The following LYPD6 variants were observed in gnomAD, a reference collection of about 807,000 sequenced individuals.
The protein encoded by LYPD6 is ly6/PLAUR domain-containing protein 6.
A neutral mutation model predicts 22.7 loss-of-function variants in LYPD6; 15 were observed. The ratio of observed to expected loss-of-function variants is 0.66; its 90% CI spans 0.44 to 1.02. The LOEUF is 1.02. LYPD6 is among the 50% of genes least tolerant of loss of function. LYPD6 has a pLI of 0.00. For missense variants in LYPD6, 189 were observed against 208.4 expected, an observed-to-expected ratio of 0.91 and a Z score of 0.57; for synonymous variants, 72 against 77.5, an observed-to-expected ratio of 0.93 and a Z score of 0.37.
At chr2:149,384,710 T>C (rs1488500362) in intron 1 of LYPD6, among the ~76,000 whole-genome samples, 3 of 152,180 alleles carry the variant, frequency 2.0e-5, no homozygotes, top group Non-Finnish European at 4.4e-5. Flanking sequence ...GGCTCTGTTT[T>C]TAAATTTTTT....
intron 1 of LYPD6, among the ~76,000 whole-genome samples, chr2:149,435,374 G>A (rs1281344504): frequency 6.6e-6 from 1 of 152,190 alleles, no homozygotes; most frequent in East Asian, 1.9e-4. Context: ...TATGTTTACA[G>A]TTACACACAT....
chr2:149,388,233 G>C (rs1328723941), intron 1 of LYPD6, among the ~76,000 whole-genome samples: 2 of 149,440 alleles, frequency 1.3e-5, no homozygotes, highest in African/African-American at 4.9e-5. Context: ...GAGTTGAATG[G>C]ATTTCTTTAG....
chr2:149,330,009 C>A (rs568009442), upstream of LYPD6: 1 of 152,356 alleles, frequency 6.6e-6, no homozygotes, highest in East Asian at 1.9e-4. Context: ...GTGGTCTCCG[C>A]CTTCCCTGGG....
intron 1 of LYPD6, among the ~76,000 whole-genome samples, chr2:149,423,522 G>C (rs564039156): frequency 2.8e-4 from 42 of 152,184 alleles, no homozygotes; most frequent in African/African-American, 9.9e-4. Flanking sequence ...CTATGTTTCT[G>C]CTGACTGTGA....
chr2:149,378,181 A>G (rs1440264219), intron 1 of LYPD6, among the ~76,000 whole-genome samples: 1 of 152,152 alleles, frequency 6.6e-6, no homozygotes, highest in African/African-American at 2.4e-5. Flanking sequence ...TAGTAGCACA[A>G]TCACAGCTCC....
chr2:149,446,600 G>A (rs1683694367), intron 2 of LYPD6, among the ~76,000 whole-genome samples: 2 of 152,142 alleles, frequency 1.3e-5, no homozygotes. Flanking sequence ...TCATGAAAAT[G>A]GAGTGGTTGG....
chr2:149,342,398 A>G (rs1346560607), intron 1 of LYPD6, among the ~76,000 whole-genome samples: 1 of 152,186 alleles, frequency 6.6e-6, no homozygotes, highest in Non-Finnish European at 1.5e-5. Flanking sequence ...CACAGATTTA[A>G]TTATTCGTGT....
chr2:149,407,371 A>G (rs1682740715), intron 1 of LYPD6, among the ~76,000 whole-genome samples: 1 of 152,348 alleles, frequency 6.6e-6, no homozygotes, highest in South Asian at 2.1e-4. Context: ...CAGGTATACC[A>G]ATCAGACGTA....
At chr2:149,429,794 G>T (rs368209224) in intron 1 of LYPD6, among the ~76,000 whole-genome samples, 3 of 152,172 alleles carry the variant, frequency 2.0e-5, no homozygotes, top group Non-Finnish European at 2.9e-5. Flanking sequence ...AGCCCCTGGG[G>T]GTTGGCTGGG....
intron 1 of LYPD6, among the ~76,000 whole-genome samples, chr2:149,404,488 T>C (rs1682646766): frequency 6.6e-6 from 1 of 152,210 alleles, no homozygotes; most frequent in East Asian, 1.9e-4. Context: ...GTATTCTCTT[T>C]GAAGCAGTTG....
intron 1 of LYPD6, among the ~76,000 whole-genome samples, chr2:149,432,289 A>G (rs970468282): frequency 1.3e-5 from 2 of 152,246 alleles, no homozygotes; most frequent in Admixed American, 6.5e-5. Context: ...TCCACACACA[A>G]ACATGTACAT....
chr2:149,396,312 T>G (rs945087038), intron 1 of LYPD6, among the ~76,000 whole-genome samples: 3 of 152,108 alleles, frequency 2.0e-5, no homozygotes, highest in Admixed American at 6.6e-5. Flanking sequence ...CTTGAGTCAG[T>G]TTTGTTCCTT....
At chr2:149,461,354 GATA>G (rs1363874168) in intron 3 of LYPD6, among the ~76,000 whole-genome samples, 1 of 151,744 alleles carries the variant, frequency 6.6e-6, no homozygotes, top group Non-Finnish European at 1.5e-5. Flanking sequence ...CTAAAAATGA[GATA>G]AATAGTCCTA....
chr2:149,451,875 C>A (rs567315970), intron 3 of LYPD6, among the ~76,000 whole-genome samples: 1 of 152,070 alleles, frequency 6.6e-6, no homozygotes, highest in African/African-American at 2.4e-5. Context: ...AGGGAGCAGG[C>A]GGTTTAGTTG....
chr2:149,358,060 A>G (rs1170390097), intron 1 of LYPD6, among the ~76,000 whole-genome samples: 1 of 152,178 alleles, frequency 6.6e-6, no homozygotes, highest in African/African-American at 2.4e-5. Context: ...TGCTGGGATT[A>G]CAGGCATGAG....
intron 2 of LYPD6, among the ~76,000 whole-genome samples, 200 bp from the exon 3 acceptor site, chr2:149,448,849 T>G (rs1316220735): frequency 2.0e-5 from 3 of 152,204 alleles, no homozygotes; most frequent in Non-Finnish European, 4.4e-5. Context: ...TGTGTACAGA[T>G]TTTTGCATGT....
chr2:149,485,364 A>G, the LYPD6 span, among the ~76,000 whole-genome samples: 9 of 152,186 alleles, frequency 5.9e-5, no homozygotes, highest in African/African-American at 2.2e-4. Context: ...AATTTAGTAC[A>G]CCTGTTGAGG....
At chr2:149,347,989 G>A (rs140653840) in intron 1 of LYPD6, among the ~76,000 whole-genome samples, 359 of 149,294 alleles carry the variant, frequency 2.4e-3, no homozygotes, top group Non-Finnish European at 3.9e-3. Flanking sequence ...GCCGAGGCAG[G>A]TGGATCACCT....
At chr2:149,417,059 A>C (rs1206854290) in intron 1 of LYPD6, among the ~76,000 whole-genome samples, 1 of 152,108 alleles carries the variant, frequency 6.6e-6, no homozygotes, top group African/African-American at 2.4e-5. Context: ...GCTGGGTGTG[A>C]GTGCCTTTAT....
Sources: gnomAD v4.1 joint callset for allele counts (sites outside exome capture counted in the v4.1 genomes callset) on GRCh38, gnomAD v4.1.1 for gene constraint, MANE v1.5 for transcripts, NCBI Gene and HGNC (gene_info 2026-07-23, HGNC 2026-07-21) for gene names.